Variants in GOLGA3 observed in about 807,000 individuals in gnomAD.
The protein encoded by GOLGA3 is golgin A3.
Under a neutral mutation model 169.4 loss-of-function variants are expected in GOLGA3, and 75 were observed. That is an observed-to-expected ratio of 0.44 (90% confidence interval 0.37 to 0.54). The LOEUF is 0.54. GOLGA3 is among the 20% of genes least tolerant of loss of function. The probability of loss-of-function intolerance (pLI) is 0.00; values close to 1 mark genes in which losing one functional copy is unlikely to be tolerated. For missense variants in GOLGA3, 1,899 were observed against 1,930.0 expected, an observed-to-expected ratio of 0.98 and a Z score of 0.30; for synonymous variants, 824 against 822.4, an observed-to-expected ratio of 1.00 and a Z score of -0.03.
intron 13 of GOLGA3, among the ~76,000 whole-genome samples, chr12:132,788,507 C>T (rs1004464410): frequency 6.6e-6 from 1 of 152,160 alleles, no homozygotes; most frequent in African/African-American, 2.4e-5. Context: ...TCACCAGCAT[C>T]TCGGACACCC....
At chr12:132,798,251 CAG>C (rs1228102580) in intron 9 of GOLGA3, 87 bp downstream of exon 9, 6 of 1,262,552 alleles carry the variant, frequency 4.8e-6, no homozygotes, top group African/African-American at 3.0e-5. Context: ...GAGATACACA[CAG>C]AGAGACGGAA....
intron 16 of GOLGA3, 31 bp from the exon 17 acceptor site, chr12:132,782,524 C>T: frequency 6.5e-7 from 1 of 1,536,388 alleles, no homozygotes; most frequent in Non-Finnish European, 9.0e-7. Context: ...TGTAAAATTA[C>T]CTGCACTGGT....
chr12:132,801,654 A>G (rs556444822), intron 8 of GOLGA3, 113 bp downstream of exon 8: 16,731 of 1,024,724 alleles, frequency 0.016, 207 homozygotes, highest in Non-Finnish European at 0.021. Context: ...ACAGCAGGTT[A>G]AAAACAAAAA....
At chr12:132,813,725 T>C (rs1489586531) in intron 3 of GOLGA3, among the ~76,000 whole-genome samples, 1 of 144,388 alleles carries the variant, frequency 6.9e-6, no homozygotes, top group Non-Finnish European at 1.5e-5. Context: ...AAGTGCCTTT[T>C]TTTTTTTTTT....
In GOLGA3 at chr12:132,789,012, C is replaced by T. The variant is rs753312191; in HGVS notation, c.2811+15G>A. 4 of 1,538,812 alleles carry T rather than the reference C, an allele frequency of 2.6e-6. No individual in the cohort carries two copies. The South Asian group carries it at 5.0e-5, about 19-fold the overall frequency. The stretch of plus-strand genomic sequence containing the variant: ...AATCCTCCCCATCAAATGAGTCAAC[C>T]CGACACGGACAGACCTGCAAGTGTG... On this transcript the variant is annotated intron_variant, in intron 13 of 23. Transcript: ENST00000450791.
intron 2 of GOLGA3, among the ~76,000 whole-genome samples, chr12:132,820,232 C>G (rs1024911313): frequency 6.6e-6 from 1 of 152,158 alleles, no homozygotes; most frequent in Non-Finnish European, 1.5e-5. Flanking sequence ...ACCGCTACCC[C>G]AGAGACCAAG....
At position 132,789,240 on chromosome 12, in the gene GOLGA3, G is replaced by A. The variant is rs2046093860; in HGVS notation, c.2598C>T (p.Ile866=). The change falls in exon 13 of 24, where the codon ATC becomes ATT. Residue 866 remains isoleucine (I), a synonymous_variant. Coordinates refer to ENST00000450791, the MANE Select transcript of GOLGA3 (RefSeq NM_001389683.1). ...TCTTCCTGGTGGCTTTCAGCTCACTGATGAGCTGGTCTTTGGAGGTGGCGT... is the reference window on the plus strand; with the variant it reads ...TCTTCCTGGTGGCTTTCAGCTCACTAATGAGCTGGTCTTTGGAGGTGGCGT... The part of the protein sequence containing the change: ...RRDATSKDQL[I]SELKATRKRL... 3.7e-6 allele frequency: 6 copies of A among 1,608,272 alleles called. No homozygotes were observed. In the East Asian group the frequency reaches 1.1e-4, roughly 30 times the overall value.
At chr12:132,782,182 C>T in intron 17 of GOLGA3, 114 bp downstream of exon 17, 2 of 983,170 alleles carry the variant, frequency 2.0e-6, no homozygotes, top group Non-Finnish European at 3.2e-6. Context: ...CGGCTGCAGG[C>T]CGGGTGGGCT....
Position 132,791,388 on chromosome 12 carries a change from C to T in GOLGA3, c.2470-95G>A, listed in dbSNP as rs116995148. ...CACTGAAGCCTCCAGGAGGGGAACACATCTGCACAAATGTTACAGAGAGCT... is the reference window on the plus strand; with the variant it reads ...CACTGAAGCCTCCAGGAGGGGAACATATCTGCACAAATGTTACAGAGAGCT... On this transcript the variant is annotated intron_variant, in intron 11 of 23. Transcript: ENST00000450791. The T allele has an allele frequency of 5.0e-3, 3,328 of 664,422 alleles. 17 individuals are homozygous for T. The highest frequency in any genetic ancestry group is 7.2e-3 in the Non-Finnish European group (2,714 of 377,472). The allele number at this position is 664,422 out of a possible 1,614,324, so 41.2% of individuals were successfully genotyped here. A position where few individuals can be genotyped will look rare whatever the true frequency, so the allele number is the denominator to read the frequency against.
At chr12:132,806,204 CT>C (rs1460752874) in intron 6 of GOLGA3, among the ~76,000 whole-genome samples, 1 of 152,198 alleles carries the variant, frequency 6.6e-6, no homozygotes, top group African/African-American at 2.4e-5. Flanking sequence ...TGAAACAACC[CT>C]CACGATCTTG....
At chr12:132,784,666 A>G (rs1274596338) in intron 15 of GOLGA3, among the ~76,000 whole-genome samples, 1 of 151,784 alleles carries the variant, frequency 6.6e-6, no homozygotes, top group East Asian at 1.9e-4. Flanking sequence ...TCACATACAC[A>G]CACTCATGTA....
chr12:132,794,363 G>A (rs1196292750), intron 11 of GOLGA3, among the ~76,000 whole-genome samples: 1 of 152,040 alleles, frequency 6.6e-6, no homozygotes, highest in Non-Finnish European at 1.5e-5. Context: ...AAGATGGCCG[G>A]GGATGTGTGC....
chr12:132,775,563 T>C (rs1036115638), intron 21 of GOLGA3, among the ~76,000 whole-genome samples: 2 of 152,226 alleles, frequency 1.3e-5, no homozygotes, highest in African/African-American at 4.8e-5. Context: ...TTTATCATGT[T>C]GATGCTCAGA....
chr12:132,795,256 C>T (rs1334558068), intron 11 of GOLGA3, among the ~76,000 whole-genome samples: 2 of 151,810 alleles, frequency 1.3e-5, no homozygotes, highest in African/African-American at 4.8e-5. Context: ...CTGTGGGAGG[C>T]GGAGGCAGGC....
At chr12:132,827,088 T>C (rs192356221) in intron 1 of GOLGA3, among the ~76,000 whole-genome samples, 1 of 152,274 alleles carries the variant, frequency 6.6e-6, no homozygotes, top group African/African-American at 2.4e-5. Context: ...CTCAGGCACC[T>C]ACAGGACTTT....
At chr12:132,773,445 T>TTTA in intron 23 of GOLGA3, 151 bp from the exon 24 acceptor site, 5 of 414,638 alleles carry the variant, frequency 1.2e-5, no homozygotes, top group South Asian at 7.7e-5. Context: ...GCTCAGCTGT[T>TTTA]CTCAGCACCG....
At chr12:132,795,425 G>A (rs930679943) in intron 11 of GOLGA3, among the ~76,000 whole-genome samples, 1 of 151,802 alleles carries the variant, frequency 6.6e-6, no homozygotes, top group South Asian at 2.1e-4. Flanking sequence ...TTAGGAGTTC[G>A]AGACTAGCCT....
Position 132,770,985 on chromosome 12 carries a change from A to G in GOLGA3, c.*2120T>C, listed in dbSNP as rs527925306. 33 of 152,758 alleles carry G rather than the reference A, an allele frequency of 2.2e-4. No individual in the cohort carries two copies. The highest frequency in any genetic ancestry group is 6.3e-4 in the African/African-American group (26 of 41,590). 9.5% of individuals were successfully genotyped at this position (152,758 alleles called of 1,614,324 possible). A position where few individuals can be genotyped will look rare whatever the true frequency, so the allele number is the denominator to read the frequency against. On this transcript the variant is annotated 3_prime_UTR_variant, in exon 24 of 24. Coordinates refer to ENST00000450791, the MANE Select transcript of GOLGA3 (RefSeq NM_001389683.1). ...CAAAGGGGTAGTACAGCCAAAATAAATAAGAACGTAAATTGCCGTATTTTT... is the reference window on the plus strand; with the variant it reads ...CAAAGGGGTAGTACAGCCAAAATAAGTAAGAACGTAAATTGCCGTATTTTT...
intron 4 of GOLGA3, among the ~76,000 whole-genome samples, chr12:132,809,751 GATTA>G (rs1949610673): frequency 6.6e-6 from 1 of 152,110 alleles, no homozygotes; most frequent in Admixed American, 6.6e-5. Context: ...ACAAACTAAT[GATTA>G]ATGATATTCA....
Sources: allele counts gnomAD v4.1 joint callset (sites outside exome capture counted in the v4.1 genomes callset), GRCh38; gene constraint gnomAD v4.1.1; transcripts MANE v1.5; gene names NCBI Gene and HGNC (gene_info 2026-07-23, HGNC 2026-07-21).